DLGAP2: variants seen among roughly 807,000 people sequenced by gnomAD.
DLGAP2 encodes the protein DLG associated protein 2.
DLGAP2 carries 26 observed loss-of-function variants against 100.3 expected under a neutral mutation model. The ratio of observed to expected loss-of-function variants is 0.26; its 90% CI spans 0.19 to 0.36. The LOEUF is 0.36. DLGAP2 is among the 10% of genes least tolerant of loss of function. The pLI is 1.00. For synonymous variants in DLGAP2, 886 were observed against 630.1 expected (o/e 1.41, Z -6.08); for missense variants, 1,858 against 1,453.2 (o/e 1.28, Z -4.53).
intron 4 of DLGAP2, among the ~76,000 whole-genome samples, chr8:1,532,186 T>C (rs1302153762): frequency 1.3e-5 from 2 of 152,182 alleles, no homozygotes; most frequent in African/African-American, 2.4e-5. Context: ...CCAGCCTGAT[T>C]TTTCCCTTTA....
At chr8:1,557,255 G>A (rs924211396) in intron 5 of DLGAP2, among the ~76,000 whole-genome samples, 5 of 152,172 alleles carry the variant, frequency 3.3e-5, no homozygotes, top group East Asian at 1.9e-4. Flanking sequence ...AGACAGACGC[G>A]TGGAACCTTC....
chr8:1,227,176 T>TATATATATATATATATATATATATA lies in DLGAP2; in HGVS notation c.74-31672_74-31671insTATATATATATATATATATATAATA, dbSNP rs1563265057. 2.4e-4 allele frequency among the ~76,000 whole-genome samples: 14 copies of TATATATATATATATATATATATATA among 58,916 alleles called. 1 individual carries two copies. The highest frequency in any genetic ancestry group is 1.0e-3 in the East Asian group (1 of 992). 38.7% of individuals were successfully genotyped at this position (58,916 alleles called of 152,430 possible). On this transcript the variant is annotated intron_variant, in intron 2 of 14. Coordinates refer to ENST00000637795, the MANE Select transcript of DLGAP2 (RefSeq NM_001346810.2). ...GAGATATATATATATATATATATAG[T>TATATATATATATATATATATATATA]ATAGATATATATTATCCATTCATTT...
At chr8:1,071,685 T>C (rs1000457435) in intron 2 of DLGAP2, among the ~76,000 whole-genome samples, 17 of 152,274 alleles carry the variant, frequency 1.1e-4, no homozygotes, top group Non-Finnish European at 2.5e-4. Context: ...ATTGTACAAC[T>C]TGTTAGGATA....
At chr8:771,828 A>T (rs10104592) in intron 1 of DLGAP2, among the ~76,000 whole-genome samples, 126,748 of 152,302 alleles carry the variant, frequency 0.83, 52,923 homozygotes, top group Admixed American at 0.89. Context: ...AACAATGGAA[A>T]GGGCAGTGTG....
At chr8:763,359 A>G (rs181202782) in intron 1 of DLGAP2, among the ~76,000 whole-genome samples, 1 of 152,374 alleles carries the variant, frequency 6.6e-6, no homozygotes, top group East Asian at 1.9e-4. Flanking sequence ...ATATCAAGAT[A>G]AAGAGCCCTC....
At chr8:1,321,951 A>T (rs1467914149) in intron 3 of DLGAP2, among the ~76,000 whole-genome samples, 1 of 152,226 alleles carries the variant, frequency 6.6e-6, no homozygotes, top group African/African-American at 2.4e-5. Flanking sequence ...ATTTAATTTT[A>T]TGTTGTGGTT....
intron 2 of DLGAP2, among the ~76,000 whole-genome samples, chr8:1,070,786 C>T (rs879897349): frequency 4.6e-5 from 7 of 152,178 alleles, no homozygotes; most frequent in Admixed American, 2.6e-4. Context: ...AAGAAGGACG[C>T]GCTGGCTTTT....
At chr8:1,488,779 C>T (rs542285500) in intron 3 of DLGAP2, among the ~76,000 whole-genome samples, 58 of 152,224 alleles carry the variant, frequency 3.8e-4, no homozygotes, top group African/African-American at 1.4e-3. Flanking sequence ...GCTGTGTGTT[C>T]CCTCCTCTCA....
intron 3 of DLGAP2, among the ~76,000 whole-genome samples, chr8:1,432,049 A>C (rs530700655): frequency 6.6e-6 from 1 of 151,574 alleles, no homozygotes; most frequent in Non-Finnish European, 1.5e-5. Context: ...ATCGGGGCTG[A>C]ACCCTGCCGG....
At chr8:763,637 G>A (rs1391928623) in intron 1 of DLGAP2, among the ~76,000 whole-genome samples, 1 of 152,134 alleles carries the variant, frequency 6.6e-6, no homozygotes, top group African/African-American at 2.4e-5. Flanking sequence ...GGTGGTGGTC[G>A]GTGGCGACCC....
intron 6 of DLGAP2, among the ~76,000 whole-genome samples, chr8:1,582,606 C>CG (rs1222232557): frequency 1.3e-5 from 2 of 151,576 alleles, no homozygotes; most frequent in African/African-American, 2.4e-5. Flanking sequence ...TTTTCCCCCG[C>CG]CAAGATGGAG....
chr8:904,924 C>G (rs1798344820), intron 1 of DLGAP2, among the ~76,000 whole-genome samples: 1 of 152,162 alleles, frequency 6.6e-6, no homozygotes, highest in African/African-American at 2.4e-5. Flanking sequence ...AGAAATAAAC[C>G]TATTATGGTC....
At chr8:1,036,441 C>T (rs1802126903) in intron 2 of DLGAP2, among the ~76,000 whole-genome samples, 1 of 152,206 alleles carries the variant, frequency 6.6e-6, no homozygotes, top group South Asian at 2.1e-4. Flanking sequence ...GTCCAGGGGA[C>T]CCTACACGGG....
chr8:1,465,605 A>G (rs530274571), intron 3 of DLGAP2, among the ~76,000 whole-genome samples: 1 of 152,332 alleles, frequency 6.6e-6, no homozygotes, highest in East Asian at 1.9e-4. Context: ...CCACGGGTTC[A>G]GGTGTCTGGA....
At chr8:833,802 A>C (rs1176934008) in intron 1 of DLGAP2, among the ~76,000 whole-genome samples, 4 of 152,244 alleles carry the variant, frequency 2.6e-5, no homozygotes, top group Admixed American at 6.5e-5. Flanking sequence ...CCATGAATTT[A>C]GACAAAATTT....
intron 3 of DLGAP2, among the ~76,000 whole-genome samples, chr8:1,443,994 A>G (rs576016689): frequency 1.3e-5 from 2 of 152,352 alleles, no homozygotes; most frequent in East Asian, 3.9e-4. Context: ...TGTCAGAAGC[A>G]TGCCAATTAT....
intron 1 of DLGAP2, among the ~76,000 whole-genome samples, chr8:850,047 A>G (rs529696204): frequency 5.2e-4 from 75 of 145,488 alleles, no homozygotes; most frequent in African/African-American, 1.7e-3. Context: ...TGGGCAACAG[A>G]AGGAGACTGT....
At chr8:1,448,216 G>T (rs1386955396) in intron 3 of DLGAP2, among the ~76,000 whole-genome samples, 1 of 151,904 alleles carries the variant, frequency 6.6e-6, no homozygotes, top group African/African-American at 2.4e-5. Context: ...TTTCTTTTGT[G>T]GGCATTTAGT....
At chr8:1,456,431 C>A (rs1236069682) in intron 3 of DLGAP2, among the ~76,000 whole-genome samples, 5 of 152,142 alleles carry the variant, frequency 3.3e-5, no homozygotes, top group Non-Finnish European at 7.4e-5. Context: ...CATAATGATT[C>A]AAAATTGACT....
Sources: gnomAD v4.1 joint callset for allele counts (sites outside exome capture counted in the v4.1 genomes callset) on GRCh38, gnomAD v4.1.1 for gene constraint, MANE v1.5 for transcripts, NCBI Gene and HGNC (gene_info 2026-07-23, HGNC 2026-07-21) for gene names.